Variants in ATXN1 observed in about 807,000 individuals in gnomAD.
The protein encoded by ATXN1 is ataxin 1.
Under a neutral mutation model 56.4 loss-of-function variants are expected in ATXN1, and 8 were observed. The ratio of observed to expected loss-of-function variants is 0.14; its 90% CI spans 0.08 to 0.26. The LOEUF (loss-of-function observed/expected upper bound fraction) is 0.26, where lower values mean the gene tolerates loss of function less well. ATXN1 is among the 10% of genes least tolerant of loss of function. The pLI is 1.00. For synonymous variants in ATXN1, 514 were observed against 494.6 expected (o/e 1.04, Z -0.52); for missense variants, 987 against 1,106.5 (o/e 0.89, Z 1.53).
At chr6:16,414,946 G>A (rs953383054) in intron 6 of ATXN1, among the ~76,000 whole-genome samples, 1 of 152,168 alleles carries the variant, frequency 6.6e-6, no homozygotes. Flanking sequence ...TGAGCTACTG[G>A]ATTCTAGAAC....
intron 6 of ATXN1, among the ~76,000 whole-genome samples, chr6:16,430,726 C>CGT (rs151260593): frequency 0.18 from 26,436 of 150,054 alleles, 2,556 homozygotes; most frequent in East Asian, 0.5. Context: ...TGTGTGTGCG[C>CGT]GTGTGTGTGT....
chr6:16,360,762 C>A (rs1037441869), intron 6 of ATXN1, among the ~76,000 whole-genome samples: 3 of 152,148 alleles, frequency 2.0e-5, no homozygotes, highest in African/African-American at 7.2e-5. Flanking sequence ...TGTGATCCAG[C>A]AACTTTAGGT....
chr6:16,759,786 G>C (rs9383205), intron 1 of ATXN1, among the ~76,000 whole-genome samples: 1 of 151,640 alleles, frequency 6.6e-6, no homozygotes, highest in Non-Finnish European at 1.5e-5. Context: ...AATCTCCCTA[G>C]AAAACCTGAA....
chr6:16,609,788 A>T (rs1383682881), intron 3 of ATXN1, among the ~76,000 whole-genome samples: 5 of 152,218 alleles, frequency 3.3e-5, no homozygotes, highest in African/African-American at 1.2e-4. Flanking sequence ...CGATTTCAAA[A>T]AATATTTACT....
intron 4 of ATXN1, among the ~76,000 whole-genome samples, chr6:16,525,798 CAA>C (rs199777523): frequency 0.014 from 2,149 of 149,582 alleles, 21 homozygotes; most frequent in Non-Finnish European, 0.021. Context: ...TATGTACCCA[CAA>C]AAAAATTAAA....
At chr6:16,580,535 C>T (rs1762509731) in intron 4 of ATXN1, among the ~76,000 whole-genome samples, 1 of 152,118 alleles carries the variant, frequency 6.6e-6, no homozygotes, top group Non-Finnish European at 1.5e-5. Flanking sequence ...AAATTGTAAG[C>T]TTTGATATCA....
In ATXN1 at chr6:16,299,234, A is replaced by G. The variant is rs528834173; in HGVS notation, c.*7095T>C. ...TTGAATCAAACATTGTTTTATTATA[A>G]TAATGAAATAATTTCTACCTAGAAA... On this transcript the variant is annotated 3_prime_UTR_variant, in exon 8 of 8. Transcript: ENST00000436367. The G allele has an allele frequency of 6.5e-6, 1 of 152,796 alleles. No homozygotes were observed. The highest frequency in any genetic ancestry group is 2.4e-5 in the African/African-American group (1 of 41,592). 9.5% of individuals were successfully genotyped at this position (152,796 alleles called of 1,614,324 possible). A position where few individuals can be genotyped will look rare whatever the true frequency, so the allele number is the denominator to read the frequency against.
At chr6:16,589,029 C>T (rs1474303299) in intron 3 of ATXN1, among the ~76,000 whole-genome samples, 2 of 152,076 alleles carry the variant, frequency 1.3e-5, no homozygotes, top group African/African-American at 4.8e-5. Flanking sequence ...AGCTCCCTGA[C>T]CCCATCTTGT....
At chr6:16,680,899 G>A (rs562573852) in intron 2 of ATXN1, among the ~76,000 whole-genome samples, 1 of 152,130 alleles carries the variant, frequency 6.6e-6, no homozygotes, top group Non-Finnish European at 1.5e-5. Flanking sequence ...ATTTCTTTGA[G>A]AATGGTTGGA....
rs576077242 is a variant in ATXN1 at position 16,369,575 on chromosome 6, G to A, written c.-160-41105C>T. Among the ~76,000 whole-genome samples the A allele has an allele frequency of 6.0e-4, 91 of 152,304 alleles. 1 individual carries two copies. Among genetic ancestry groups the A allele is most frequent in the African/African-American group, 1.7e-3 (72 of 41,570 alleles). On this transcript the variant is annotated intron_variant, in intron 6 of 7. Coordinates refer to ENST00000436367, the MANE Select transcript of ATXN1 (RefSeq NM_001128164.2). ...AGGGGTTAACCTCTAGCATTTGCAC[G>A]CAGCCACCCGTTCGCTCTTGGCTCC...
intron 7 of ATXN1, among the ~76,000 whole-genome samples, chr6:16,310,690 T>C (rs532932068): frequency 3.9e-5 from 6 of 152,188 alleles, no homozygotes; most frequent in Non-Finnish European, 8.8e-5. Flanking sequence ...GGCTTCACCA[T>C]GTTGGCCAGG....
intron 3 of ATXN1, among the ~76,000 whole-genome samples, chr6:16,650,324 G>A (rs901029695): frequency 6.6e-6 from 1 of 152,224 alleles, no homozygotes; most frequent in Non-Finnish European, 1.5e-5. Context: ...AGGCCATGCA[G>A]TGAAATTCAC....
At chr6:16,420,071 T>C (rs539143974) in intron 6 of ATXN1, among the ~76,000 whole-genome samples, 3 of 152,302 alleles carry the variant, frequency 2.0e-5, no homozygotes, top group South Asian at 2.1e-4. Flanking sequence ...TTAGAGAACA[T>C]AGGCAACGAA....
rs570665940 is a variant in ATXN1, at chr6:16,674,453, G to A, written c.-614-16552C>T. 1.7e-4 allele frequency among the ~76,000 whole-genome samples: 25 copies of A among 146,482 alleles called. 1 individual carries two copies. The South Asian group carries it at 3.2e-3, about 19-fold the overall frequency. ...CAAGCTCCGCCTCATGGGTTCAAGC[G>A]ATTCTCCTGCCTCAGCCTCCCAAGT... On this transcript the variant is annotated intron_variant, in intron 2 of 7. Coordinates refer to ENST00000436367, the MANE Select transcript of ATXN1 (RefSeq NM_001128164.2).
At chr6:16,647,230 CT>C (rs905121427) in intron 3 of ATXN1, among the ~76,000 whole-genome samples, 7 of 152,108 alleles carry the variant, frequency 4.6e-5, no homozygotes, top group African/African-American at 1.4e-4. Flanking sequence ...GTCTTAACCC[CT>C]GACCTTGTGA....
intron 6 of ATXN1, among the ~76,000 whole-genome samples, chr6:16,437,059 T>C (rs564350388): frequency 6.6e-6 from 1 of 152,174 alleles, no homozygotes; most frequent in East Asian, 1.9e-4. Context: ...TGGGGTAGAA[T>C]ATCAAGAGTT....
intron 6 of ATXN1, among the ~76,000 whole-genome samples, chr6:16,422,330 C>T (rs1759054262): frequency 6.6e-6 from 1 of 152,222 alleles, no homozygotes; most frequent in African/African-American, 2.4e-5. Flanking sequence ...AGTAAGCGCA[C>T]TTTCTCTTCT....
intron 3 of ATXN1, among the ~76,000 whole-genome samples, chr6:16,620,483 A>T (rs918468553): frequency 2.6e-5 from 4 of 151,914 alleles, no homozygotes; most frequent in Admixed American, 2.6e-4. Flanking sequence ...TCTCTCTCTC[A>T]CACACACATA....
intron 5 of ATXN1, among the ~76,000 whole-genome samples, chr6:16,518,236 T>C (rs1761222878): frequency 6.6e-6 from 1 of 152,196 alleles, no homozygotes; most frequent in Admixed American, 6.5e-5. Context: ...CCCAGCTTTC[T>C]ATGGGGGAGG....
Sources: allele counts gnomAD v4.1 joint callset (sites outside exome capture counted in the v4.1 genomes callset), GRCh38; gene constraint gnomAD v4.1.1; transcripts MANE v1.5; gene names NCBI Gene and HGNC (gene_info 2026-07-23, HGNC 2026-07-21).